The following CCSER1 variants were observed in gnomAD, a reference collection of about 807,000 sequenced individuals.
CCSER1 encodes the protein coiled-coil serine rich protein 1.
Under a neutral mutation model 82.0 loss-of-function variants are expected in CCSER1, and 41 were observed. The observed-to-expected ratio is 0.50, with a 90% CI of 0.39 to 0.65. CCSER1 has a LOEUF of 0.65. CCSER1 is among the 30% of genes least tolerant of loss of function. CCSER1 has a pLI of 0.00. For synonymous variants in CCSER1, 414 were observed against 383.9 expected, an observed-to-expected ratio of 1.08 and a Z score of -0.92; for missense variants, 1,119 against 1,064.2, an observed-to-expected ratio of 1.05 and a Z score of -0.72.
chr4:91,008,080 G>A (rs1738679889), intron 9 of CCSER1, among the ~76,000 whole-genome samples: 1 of 152,036 alleles, frequency 6.6e-6, no homozygotes, highest in Non-Finnish European at 1.5e-5. Flanking sequence ...CATACACTGT[G>A]ATTGGAAACA....
rs565391160 is a variant in CCSER1 at position 91,392,414 on chromosome 4, A to G, written c.2218-206158A>G. On this transcript the variant is annotated intron_variant, in intron 10 of 10. Transcript: ENST00000509176. ...ACTTACACATTATAGAAATAAATGT[A>G]TTTTCTTTTGTGATTTTTTTTCCTA... 1.2e-4 allele frequency among the ~76,000 whole-genome samples: 17 copies of G among 146,300 alleles called. 1 individual carries two copies. In the South Asian group the frequency reaches 3.0e-3, roughly 26 times the overall value.
At chr4:90,337,731 A>G (rs1221485201) in intron 3 of CCSER1, among the ~76,000 whole-genome samples, 10 of 152,078 alleles carry the variant, frequency 6.6e-5, no homozygotes, top group Non-Finnish European at 1.5e-5. Flanking sequence ...AATAATGAAA[A>G]CAGACATCTG....
chr4:90,132,141 C>G (rs1722925246), intron 1 of CCSER1, among the ~76,000 whole-genome samples: 1 of 152,170 alleles, frequency 6.6e-6, no homozygotes, highest in African/African-American at 2.4e-5. Context: ...CCTATTTAAT[C>G]ACCAATTTTA....
intron 1 of CCSER1, among the ~76,000 whole-genome samples, chr4:90,251,375 A>G (rs1722354754): frequency 6.6e-6 from 1 of 151,882 alleles, no homozygotes; most frequent in Non-Finnish European, 1.5e-5. Context: ...ATTTTTCTAC[A>G]CATCCTTATC....
intron 4 of CCSER1, among the ~76,000 whole-genome samples, chr4:90,408,058 A>G (rs1197782597): frequency 6.6e-6 from 1 of 152,212 alleles, no homozygotes; most frequent in Admixed American, 6.5e-5. Context: ...GTCTAAGATC[A>G]AACTGCAAGG....
Position 91,368,546 on chromosome 4 carries a change from A to G in CCSER1, c.2218-230026A>G, listed in dbSNP as rs112361810. Reference sequence around the variant, plus strand: ...TGTTTCTCTTCTTCTAAAAACATATAAGAGATATGTTTTATGATAAATATT... The same window carrying G: ...TGTTTCTCTTCTTCTAAAAACATATGAGAGATATGTTTTATGATAAATATT... On this transcript the variant is annotated intron_variant, in intron 10 of 10. Transcript: ENST00000509176. Among the ~76,000 whole-genome samples the G allele has an allele frequency of 3.9e-5, 6 of 151,982 alleles. 1 individual carries two copies. The highest frequency in any genetic ancestry group is 1.5e-4 in the African/African-American group (6 of 41,318).
At chr4:90,463,647 T>A (rs1031582634) in intron 4 of CCSER1, among the ~76,000 whole-genome samples, 1 of 152,172 alleles carries the variant, frequency 6.6e-6, no homozygotes, top group Non-Finnish European at 1.5e-5. Context: ...CTCTACCAAG[T>A]CAAAAGCAAA....
intron 10 of CCSER1, among the ~76,000 whole-genome samples, chr4:91,217,096 G>A (rs987531272): frequency 6.6e-6 from 1 of 152,098 alleles, no homozygotes; most frequent in Admixed American, 6.5e-5. Flanking sequence ...TGGTGGGTTC[G>A]TGGTCTCGCT....
intron 8 of CCSER1, among the ~76,000 whole-genome samples, chr4:90,881,659 C>A (rs1231855742): frequency 6.6e-6 from 1 of 152,094 alleles, no homozygotes; most frequent in Non-Finnish European, 1.5e-5. Flanking sequence ...GTGGCACACG[C>A]CTGTGGTCCT....
intron 4 of CCSER1, among the ~76,000 whole-genome samples, chr4:90,464,989 G>A (rs576843810): frequency 1.3e-5 from 2 of 152,258 alleles, no homozygotes; most frequent in East Asian, 3.9e-4. Flanking sequence ...TTTCGAGACG[G>A]GGTCTCGCCC....
chr4:90,897,406 T>A (rs1215231152), intron 8 of CCSER1, among the ~76,000 whole-genome samples: 1 of 152,076 alleles, frequency 6.6e-6, no homozygotes, highest in Non-Finnish European at 1.5e-5. Flanking sequence ...TTTCTGTTTC[T>A]GAGTTACTTC....
intron 10 of CCSER1, among the ~76,000 whole-genome samples, chr4:91,444,977 A>G (rs1410052130): frequency 6.6e-6 from 1 of 152,212 alleles, no homozygotes; most frequent in Non-Finnish European, 1.5e-5. Flanking sequence ...AAATCCTGCT[A>G]TTACAGGAAA....
chr4:91,275,997 T>G (rs562968610), intron 10 of CCSER1, among the ~76,000 whole-genome samples: 1 of 152,254 alleles, frequency 6.6e-6, no homozygotes, highest in Non-Finnish European at 1.5e-5. Context: ...GGGTTCTCTA[T>G]TCTATTCCAT....
intron 7 of CCSER1, among the ~76,000 whole-genome samples, chr4:90,808,429 GAAAT>G (rs1177706322): frequency 6.6e-6 from 1 of 151,960 alleles, no homozygotes; most frequent in Non-Finnish European, 1.5e-5. Flanking sequence ...TACAACAAAA[GAAAT>G]AATCAACAGA....
Position 90,636,368 on chromosome 4 carries a change from C to T in CCSER1, c.1932+8136C>T, listed in dbSNP as rs564235541. ...GGAAATAGAGACACATTATGCTTCT[C>T]ATCTTGTTTTATGTGGCCAACATAT... On this transcript the variant is annotated intron_variant, in intron 6 of 10. Transcript: ENST00000509176. Among the ~76,000 whole-genome samples, 50 of 151,896 alleles carry T rather than the reference C, an allele frequency of 3.3e-4. 1 individual carries two copies. In the South Asian group the frequency reaches 9.4e-3, roughly 28 times the overall value.
chr4:90,406,962 A>G (rs1156275069), intron 4 of CCSER1, among the ~76,000 whole-genome samples: 1 of 152,214 alleles, frequency 6.6e-6, no homozygotes, highest in African/African-American at 2.4e-5. Context: ...AGAAACAAGA[A>G]CAAACCAAAC....
At chr4:90,310,361 G>C (rs1174796671) in intron 2 of CCSER1, among the ~76,000 whole-genome samples, 1 of 151,654 alleles carries the variant, frequency 6.6e-6, no homozygotes, top group Non-Finnish European at 1.5e-5. Flanking sequence ...CCACCTGCTG[G>C]GCTATCTTTG....
intron 10 of CCSER1, among the ~76,000 whole-genome samples, chr4:91,161,264 C>A (rs1375310859): frequency 1.3e-5 from 2 of 152,040 alleles, no homozygotes; most frequent in African/African-American, 4.8e-5. Flanking sequence ...TGGTCTATAT[C>A]TCTGTTTTGG....
At chr4:90,532,873 C>T (rs1483114723) in intron 5 of CCSER1, among the ~76,000 whole-genome samples, 5 of 152,150 alleles carry the variant, frequency 3.3e-5, no homozygotes, top group Middle Eastern at 3.4e-3. Context: ...TCTATCTTGG[C>T]TTTTTTGTAT....
Sources: gnomAD v4.1 joint callset for allele counts (sites outside exome capture counted in the v4.1 genomes callset) on GRCh38, gnomAD v4.1.1 for gene constraint, MANE v1.5 for transcripts, NCBI Gene and HGNC (gene_info 2026-07-23, HGNC 2026-07-21) for gene names.